Variants in ASPH observed in about 807,000 individuals in gnomAD.
ASPH encodes aspartate beta-hydroxylase.
Under a neutral mutation model 118.4 loss-of-function variants are expected in ASPH, and 100 were observed. The ratio of observed to expected loss-of-function variants is 0.84; its 90% confidence interval spans 0.72 to 1.00. The LOEUF (loss-of-function observed/expected upper bound fraction) is 1.00, where lower values mean the gene tolerates loss of function less well. Ranked by LOEUF, ASPH falls within the 50% of genes least tolerant of loss-of-function variation. The pLI is 0.00. For synonymous variants in ASPH, 315 were observed against 325.6 expected (o/e 0.97, Z 0.35); for missense variants, 920 against 919.5 (o/e 1.00, Z -0.01).
intron 1 of ASPH, among the ~76,000 whole-genome samples, chr8:61,707,961 G>T (rs1390861015): frequency 6.6e-6 from 1 of 152,138 alleles, no homozygotes; most frequent in African/African-American, 2.4e-5. Flanking sequence ...CAGTTTACAT[G>T]TGTGGATACA....
rs1407981739 is a variant in ASPH, at chr8:61,501,481, TGAC to T, written c.*1875_*1877del. The T allele has an allele frequency of 6.6e-6, 1 of 152,144 alleles. No homozygotes were observed. The allele number at this position is 152,144 out of a possible 1,614,324, so 9.4% of individuals were successfully genotyped here. On this transcript the variant is annotated 3_prime_UTR_variant, in exon 25 of 25. Transcript: ENST00000379454. ...TGAATGTAAGATGATGGCTCAAAAA[TGAC>T]GACTTATAGTTTGAATTTATGTGTA...
chr8:61,584,060 CG>C (rs779745799), intron 14 of ASPH, 31 bp from the exon 15 acceptor site: 13 of 1,322,472 alleles, frequency 9.8e-6, no homozygotes, highest in Non-Finnish European at 1.4e-5. Flanking sequence ...TTATTTTTAA[CG>C]TTTTTTGACT....
chr8:61,513,276 T>G (rs1243017770), intron 24 of ASPH, among the ~76,000 whole-genome samples: 1 of 152,192 alleles, frequency 6.6e-6, no homozygotes, highest in Non-Finnish European at 1.5e-5. Context: ...GCACAGAACT[T>G]CCAGATTTCA....
chr8:61,695,406 C>A (rs987146641), intron 1 of ASPH, among the ~76,000 whole-genome samples: 5 of 152,220 alleles, frequency 3.3e-5, no homozygotes, highest in East Asian at 1.9e-4. Context: ...GTGTCACCCC[C>A]CTAGCTGCCT....
At chr8:61,684,945 GAATAT>G (rs1232970865) in intron 1 of ASPH, among the ~76,000 whole-genome samples, 8 of 151,906 alleles carry the variant, frequency 5.3e-5, no homozygotes, top group African/African-American at 1.7e-4. Context: ...CCATAAAAAG[GAATAT>G]AATACATATA....
chr8:61,574,859 T>C (rs554342052), intron 16 of ASPH, among the ~76,000 whole-genome samples: 1 of 151,810 alleles, frequency 6.6e-6, no homozygotes, highest in African/African-American at 2.4e-5. Context: ...AACAAACAAA[T>C]AAACAAAACC....
intron 22 of ASPH, among the ~76,000 whole-genome samples, chr8:61,524,752 C>CT (rs199581207): frequency 0.11 from 16,309 of 145,628 alleles, 882 homozygotes; most frequent in Non-Finnish European, 0.13. Context: ...TTATCAAATA[C>CT]TTTTTTTTTT....
intron 9 of ASPH, 83 bp from the exon 10 acceptor site, chr8:61,643,003 T>A (rs1356105643): frequency 3.2e-6 from 4 of 1,243,922 alleles, no homozygotes; most frequent in Non-Finnish European, 4.4e-6. Context: ...AAAATACTAC[T>A]TAATCGTAAA....
chr8:61,673,171 G>A (rs1239245558), intron 3 of ASPH, among the ~76,000 whole-genome samples: 1 of 152,182 alleles, frequency 6.6e-6, no homozygotes, highest in Non-Finnish European at 1.5e-5. Flanking sequence ...TCAAGGACAA[G>A]ATGAAAATGC....
At chr8:61,620,482 A>G (rs1276310177) in intron 13 of ASPH, among the ~76,000 whole-genome samples, 1 of 150,474 alleles carries the variant, frequency 6.6e-6, no homozygotes. Context: ...ATAATGCAGG[A>G]CTTTTTTTTT....
Position 61,639,326 on chromosome 8 carries a change from C to T in ASPH, c.791-963G>A, listed in dbSNP as rs190865984. On this transcript the variant is annotated intron_variant, in intron 10 of 24. Coordinates refer to ENST00000379454, the MANE Select transcript of ASPH (RefSeq NM_004318.4). ...CATGGCTCATCTCTTCCTCTCCCCT[C>T]AACTCACTCCCGCCTGTCTTCAGAC... Among the ~76,000 whole-genome samples, 247 of 152,234 alleles carry T rather than the reference C, an allele frequency of 1.6e-3. 1 individual carries two copies. Among genetic ancestry groups the T allele is most frequent in the African/African-American group, 5.4e-3 (224 of 41,542 alleles).
intron 24 of ASPH, among the ~76,000 whole-genome samples, chr8:61,515,060 A>G (rs767810907): frequency 6.6e-6 from 1 of 151,336 alleles, no homozygotes; most frequent in Non-Finnish European, 1.5e-5. Flanking sequence ...GGAGGGAGGG[A>G]GAGAGAAAAA....
rs746538209 is a variant in ASPH at position 61,553,054 on chromosome 8, T to C, written c.1603A>G (p.Met535Val). ...ACCTCTTTGTTCCCAACCCTCTGCA[T>C]GGCATCCCCCAGGTGGAAATAAAAT... The part of the protein sequence containing the change: ...GRFYFHLGDA[M>V]QRVGNKEAYK... The change falls in exon 20 of 25, where the codon ATG (methionine) becomes GTG (valine). Residue 535 changes from methionine to valine, a missense_variant. Coordinates refer to ENST00000379454, the MANE Select transcript of ASPH (RefSeq NM_004318.4). 1.9e-6 allele frequency: 3 copies of C among 1,613,568 alleles called. No individual in the cohort carries two copies. The South Asian group carries it at 3.3e-5, about 18-fold the overall frequency.
intron 5 of ASPH, among the ~76,000 whole-genome samples, chr8:61,650,167 G>A (rs569471915): frequency 5.3e-5 from 8 of 152,228 alleles, no homozygotes; most frequent in African/African-American, 1.2e-4. Context: ...TTGGGGTGCC[G>A]TGGGGAAGGA....
intron 14 of ASPH, among the ~76,000 whole-genome samples, chr8:61,589,123 G>A (rs1194112335): frequency 6.6e-6 from 1 of 152,162 alleles, no homozygotes; most frequent in Non-Finnish European, 1.5e-5. Context: ...GACTACAAGG[G>A]CACAAAATAA....
At chr8:61,598,334 C>A (rs1587875520) in intron 14 of ASPH, among the ~76,000 whole-genome samples, 1 of 152,016 alleles carries the variant, frequency 6.6e-6, no homozygotes, top group South Asian at 2.1e-4. Context: ...CAAATACAAA[C>A]CAAAAGTGAG....
intron 13 of ASPH, among the ~76,000 whole-genome samples, chr8:61,621,792 TTAAC>T (rs1199374217): frequency 2.0e-5 from 3 of 152,240 alleles, no homozygotes; most frequent in Non-Finnish European, 4.4e-5. Flanking sequence ...GGGGAATTCA[TTAAC>T]TAAAGGGAGC....
At chr8:61,681,333 T>C (rs1037723629) in intron 2 of ASPH, among the ~76,000 whole-genome samples, 27 of 151,814 alleles carry the variant, frequency 1.8e-4, no homozygotes, top group Non-Finnish European at 8.9e-5. Context: ...ATAATTTTTA[T>C]TATACTGCTA....
In ASPH at chr8:61,503,431, C is replaced by G. The variant is rs1476732879; in HGVS notation, c.2205G>C (p.Arg735=). The change falls in exon 25 of 25, where the codon CGG becomes CGC. Residue 735 remains arginine, a synonymous_variant. Transcript: ENST00000379454. ...GCCACACATCCACGATGAATATCAG[C>G]CGGAAAGATGAGGCATCCTGCCATA... ...HEVWQDASSF[R]LIFIVDVWHP... 6.2e-7 allele frequency: 1 copy of G among 1,613,146 alleles called. No individual in the cohort carries two copies. Among genetic ancestry groups the G allele is most frequent in the South Asian group, 1.1e-5 (1 of 90,894 alleles).
Sources: allele counts gnomAD v4.1 joint callset (sites outside exome capture counted in the v4.1 genomes callset), GRCh38; gene constraint gnomAD v4.1.1; transcripts MANE v1.5; gene names NCBI Gene and HGNC (gene_info 2026-07-23, HGNC 2026-07-21).